SNX14: variants seen among roughly 807,000 people sequenced by gnomAD.
SNX14 encodes sorting nexin-14.
SNX14 carries 93 observed loss-of-function variants against 133.8 expected under a neutral mutation model. That is an observed-to-expected ratio of 0.70 (90% CI 0.59 to 0.83). SNX14 has a LOEUF of 0.83. Among genes scored for constraint, SNX14 ranks in the 40% least tolerant of loss-of-function variants. SNX14 has a pLI of 0.00. For missense variants in SNX14, 945 were observed against 1,094.9 expected (o/e 0.86, Z 1.93); for synonymous variants, 368 against 365.6 (o/e 1.01, Z -0.07).
In SNX14 at chr6:85,516,585, TTATAGGCTA is replaced by T. The variant is rs200155245; in HGVS notation, c.2268+1162_2268+1170del. ...ACAAGGACAGAATGAGAAAGAAAAA[TTATAGGCTA>T]TATTCTACCCATAAACATGAATGTA... On this transcript the variant is annotated intron_variant, in intron 23 of 28. Transcript: ENST00000314673. Among the ~76,000 whole-genome samples the T allele has an allele frequency of 5.9e-3, 901 of 151,640 alleles. 8 individuals are homozygous for T. Among genetic ancestry groups the T allele is most frequent in the African/African-American group, 0.021 (850 of 41,320 alleles).
At chr6:85,577,679 A>G (rs1242119546) in intron 1 of SNX14, among the ~76,000 whole-genome samples, 2 of 152,196 alleles carry the variant, frequency 1.3e-5, no homozygotes, top group East Asian at 3.9e-4. Flanking sequence ...TGAGCATAAG[A>G]TATTTAAGAA....
intron 18 of SNX14, among the ~76,000 whole-genome samples, chr6:85,532,244 A>G (rs1046545061): frequency 1.3e-5 from 2 of 152,224 alleles, no homozygotes; most frequent in Non-Finnish European, 2.9e-5. Context: ...TCTATTATTG[A>G]CAATGGTTTA....
At chr6:85,528,843 G>T (rs1582647728) in intron 19 of SNX14, among the ~76,000 whole-genome samples, 1 of 152,068 alleles carries the variant, frequency 6.6e-6, no homozygotes, top group African/African-American at 2.4e-5. Flanking sequence ...GATCACTTGA[G>T]GTCAGAAGTT....
chr6:85,535,511 G>C (rs1305220683), intron 17 of SNX14, among the ~76,000 whole-genome samples: 2 of 151,228 alleles, frequency 1.3e-5, no homozygotes, highest in Non-Finnish European at 2.9e-5. Flanking sequence ...AGCTACTCAG[G>C]AGGCTGAGGC....
intron 11 of SNX14, 24 bp downstream of exon 11, chr6:85,547,293 G>A (rs750160193): frequency 1.8e-5 from 29 of 1,611,448 alleles, no homozygotes; most frequent in Non-Finnish European, 2.5e-5. Flanking sequence ...ATATCAAAAA[G>A]GTGTTATTGC....
chr6:85,514,663 T>G (rs746265712), intron 23 of SNX14, 34 bp from the exon 24 acceptor site: 8 of 1,578,762 alleles, frequency 5.1e-6, no homozygotes, highest in Non-Finnish European at 6.9e-6. Context: ...AAGAGATATA[T>G]AGTTTATTAC....
At chr6:85,539,230 T>G (rs1782851915) in intron 15 of SNX14, among the ~76,000 whole-genome samples, 1 of 152,228 alleles carries the variant, frequency 6.6e-6, no homozygotes, top group Non-Finnish European at 1.5e-5. Context: ...ATTCTGTCTT[T>G]TCTTTGTCCT....
chr6:85,550,569 G>A (rs756510834), intron 7 of SNX14, among the ~76,000 whole-genome samples: 11 of 152,014 alleles, frequency 7.2e-5, no homozygotes, highest in East Asian at 1.9e-4. Context: ...TGTGATCTCA[G>A]CTCACTGTAG....
chr6:85,511,099 G>A (rs140509179), intron 26 of SNX14, among the ~76,000 whole-genome samples: 88 of 152,242 alleles, frequency 5.8e-4, no homozygotes, highest in African/African-American at 2.1e-3. Context: ...TTTAATTAAA[G>A]TTTTACAATT....
In SNX14 at chr6:85,530,272, C is replaced by G; in HGVS notation, c.1814G>C (p.Gly605Ala). 1.9e-6 allele frequency: 3 copies of G among 1,591,628 alleles called. No homozygotes were observed. The highest frequency in any genetic ancestry group is 1.7e-6 in the Non-Finnish European group (2 of 1,167,562). ...DVERNDRRAVGHEPEHWSVYR... is the reference protein window; with the variant it reads ...DVERNDRRAVAHEPEHWSVYR... Reference sequence around the variant, plus strand: ...GACAGACCAATGTTCAGGCTCGTGTCCAACTGTAAATTGAGTACACACACA... The same window carrying G: ...GACAGACCAATGTTCAGGCTCGTGTGCAACTGTAAATTGAGTACACACACA... The change falls in exon 19 of 29, where the codon GGA (glycine) becomes GCA (alanine). Residue 605 changes from glycine to alanine, a missense_variant. By Grantham distance (60) the Gly-to-Ala change is moderately conservative. This residue lies in a region of SNX14 where 412 missense variants were observed against 516.6 expected (regional missense o/e 0.80). Transcript: ENST00000314673.
chr6:85,542,181 A>G (rs1226614557), intron 14 of SNX14, 138 bp from the exon 15 acceptor site: 1 of 536,726 alleles, frequency 1.9e-6, no homozygotes, highest in Non-Finnish European at 3.2e-6. Flanking sequence ...ATGGTCAACT[A>G]GGGTAAGGAT....
chr6:85,522,894 G>A (rs1777344396), intron 21 of SNX14, among the ~76,000 whole-genome samples: 1 of 152,108 alleles, frequency 6.6e-6, no homozygotes, highest in Non-Finnish European at 1.5e-5. Flanking sequence ...CCTCCAACTG[G>A]AATGATCTCC....
chr6:85,550,872 C>T (rs976147435), intron 7 of SNX14, among the ~76,000 whole-genome samples: 4 of 152,066 alleles, frequency 2.6e-5, no homozygotes, highest in African/African-American at 9.7e-5. Flanking sequence ...CTACCTCCAC[C>T]TCCCAGGTTC....
chr6:85,531,984 T>C (rs766981337), intron 18 of SNX14, among the ~76,000 whole-genome samples: 2 of 151,994 alleles, frequency 1.3e-5, no homozygotes, highest in African/African-American at 2.4e-5. Context: ...GCCACAGTCA[T>C]GCCACTGCAC....
chr6:85,514,256 T>C, intron 24 of SNX14, 22 bp from the exon 25 acceptor site: 1 of 1,593,074 alleles, frequency 6.3e-7, no homozygotes, highest in Non-Finnish European at 8.5e-7. Flanking sequence ...TCAAATGGGA[T>C]ACCTCATTGT....
intron 27 of SNX14, 83 bp downstream of exon 27, chr6:85,507,885 A>T: frequency 1.0e-6 from 1 of 989,122 alleles, no homozygotes; most frequent in Non-Finnish European, 1.5e-6. Context: ...TGTCATTTAT[A>T]CAACTAATGA....
intron 6 of SNX14, 102 bp downstream of exon 6, chr6:85,565,230 C>G: frequency 1.5e-6 from 1 of 651,080 alleles, no homozygotes; most frequent in South Asian, 2.2e-5. Flanking sequence ...ATGTACCCCA[C>G]AAATATGTAC....
intron 21 of SNX14, among the ~76,000 whole-genome samples, chr6:85,524,364 T>C (rs1415038414): frequency 6.6e-6 from 1 of 152,162 alleles, no homozygotes; most frequent in Non-Finnish European, 1.5e-5. Context: ...AATGTAGTGA[T>C]AGGACTGAAA....
intron 21 of SNX14, among the ~76,000 whole-genome samples, chr6:85,520,640 G>A (rs1306549166): frequency 2.6e-5 from 4 of 151,244 alleles, no homozygotes; most frequent in Admixed American, 2.0e-4. Context: ...CTACAGGTGT[G>A]AGCCACCACG....
Sources: gnomAD v4.1 joint callset for allele counts (sites outside exome capture counted in the v4.1 genomes callset) on GRCh38, gnomAD v4.1.1 for gene constraint, gnomAD v4.1.1 regional missense constraint, MANE v1.5 for transcripts, NCBI Gene and HGNC (gene_info 2026-07-23, HGNC 2026-07-21) for gene names.